The following SH3PXD2B variants were observed in gnomAD, a reference collection of about 807,000 sequenced individuals.
SH3PXD2B encodes the protein SH3 and PX domains 2B, also known as SH3 and PX domain-containing protein 2B.
A neutral mutation model predicts 73.1 loss-of-function variants in SH3PXD2B; 37 were observed. The ratio of observed to expected loss-of-function variants is 0.51; its 90% CI spans 0.39 to 0.67. SH3PXD2B has a LOEUF of 0.67. SH3PXD2B is among the 30% of genes least tolerant of loss of function. The pLI, the probability that SH3PXD2B is intolerant of heterozygous loss-of-function variation, is 0.00. For missense variants in SH3PXD2B, 1,053 were observed against 1,197.8 expected (o/e 0.88, Z 1.78); for synonymous variants, 457 against 480.5 (o/e 0.95, Z 0.64).
At chr5:172,376,156 T>C (rs1352031354) in intron 5 of SH3PXD2B, among the ~76,000 whole-genome samples, 2 of 151,568 alleles carry the variant, frequency 1.3e-5, no homozygotes, top group Non-Finnish European at 2.9e-5. Context: ...CAGCCTCCCA[T>C]GTAGCTGGGA....
intron 8 of SH3PXD2B, among the ~76,000 whole-genome samples, chr5:172,354,518 G>C (rs919062816): frequency 6.6e-6 from 1 of 152,186 alleles, no homozygotes; most frequent in Admixed American, 6.5e-5. Context: ...TAGCAAATCA[G>C]TCAATATGCA....
chr5:172,367,756 T>C (rs1261939082), intron 6 of SH3PXD2B, among the ~76,000 whole-genome samples: 1 of 152,126 alleles, frequency 6.6e-6, no homozygotes, highest in East Asian at 1.9e-4. Flanking sequence ...TAAGAGTCCT[T>C]ACAGGAGGTA....
chr5:172,416,540 C>T (rs1758823548), intron 2 of SH3PXD2B, among the ~76,000 whole-genome samples: 1 of 151,216 alleles, frequency 6.6e-6, no homozygotes, highest in African/African-American at 2.4e-5. Context: ...CTTGGCCAGG[C>T]TGGTATCGAA....
At chr5:172,450,665 G>A in intron 1 of SH3PXD2B, among the ~76,000 whole-genome samples, 1 of 152,078 alleles carries the variant, frequency 6.6e-6, no homozygotes, top group Non-Finnish European at 1.5e-5. Flanking sequence ...GGCTCCTGCT[G>A]CCGAGACACT....
At chr5:172,376,216 A>G (rs981392137) in intron 5 of SH3PXD2B, among the ~76,000 whole-genome samples, 9 of 151,946 alleles carry the variant, frequency 5.9e-5, no homozygotes, top group Admixed American at 2.0e-4. Flanking sequence ...TTTAGTAGAG[A>G]CGGGGTTTTG....
intron 11 of SH3PXD2B, among the ~76,000 whole-genome samples, chr5:172,346,983 C>T (rs1757011405): frequency 1.3e-5 from 2 of 152,192 alleles, no homozygotes; most frequent in African/African-American, 4.8e-5. Flanking sequence ...GCTTGGGCCT[C>T]AAGTCGCCTG....
chr5:172,348,655 CT>C lies in SH3PXD2B; in HGVS notation c.1013-1324del, dbSNP rs1354475427. 2.8e-4 allele frequency among the ~76,000 whole-genome samples: 9 copies of C among 32,020 alleles called. 1 individual carries two copies. The South Asian group carries it at 5.0e-3, about 18-fold the overall frequency. The allele number at this position is 32,020 out of a possible 152,430, so 21.0% of individuals were successfully genotyped here. A position where few individuals can be genotyped will look rare whatever the true frequency, so the allele number is the denominator to read the frequency against. Reference sequence around the variant, plus strand: ...CTATCTATGTATCTATCTATCTATCCTATCTATCTATCTATCTATCTATCTA... The same window carrying C: ...CTATCTATGTATCTATCTATCTATCCATCTATCTATCTATCTATCTATCTA... On this transcript the variant is annotated intron_variant, in intron 10 of 12. Transcript: ENST00000311601.
intron 6 of SH3PXD2B, among the ~76,000 whole-genome samples, chr5:172,372,945 A>G (rs1757738564): frequency 6.6e-6 from 1 of 152,148 alleles, no homozygotes. Flanking sequence ...GCAGGAAGAA[A>G]AAGTTGGGCC....
chr5:172,397,953 G>T (rs1249449244), intron 3 of SH3PXD2B, among the ~76,000 whole-genome samples: 2 of 152,274 alleles, frequency 1.3e-5, no homozygotes, highest in East Asian at 3.9e-4. Context: ...CCGCTGCCAC[G>T]CCTCCTGATC....
intron 1 of SH3PXD2B, among the ~76,000 whole-genome samples, chr5:172,437,492 C>T (rs1320925999): frequency 6.6e-6 from 1 of 152,118 alleles, no homozygotes; most frequent in Non-Finnish European, 1.5e-5. Flanking sequence ...AAGTGGGTGA[C>T]ATGAGATCCA....
At position 172,338,875 on chromosome 5, in the gene SH3PXD2B, G is replaced by C; in HGVS notation, c.2230C>G (p.Pro744Ala). 1 of 1,612,914 alleles carries C rather than the reference G, an allele frequency of 6.2e-7. No homozygotes were observed. Among genetic ancestry groups the C allele is most frequent in the Non-Finnish European group, 8.5e-7 (1 of 1,179,010 alleles). ...TGGGGAGCCTCTTGGAGAGGAACAG[G>C]CACGCTCTTAGACACAGGATCTGTG... The part of the protein sequence containing the change: ...KTTDPVSKSV[P>A]VPLQEAPQQR... The change falls in exon 13 of 13, where the codon CCT becomes GCT. Residue 744 changes from proline (P) to alanine (A), a missense_variant. By Grantham distance (27) the Pro-to-Ala change is conservative. Coordinates refer to ENST00000311601, the MANE Select transcript of SH3PXD2B (RefSeq NM_001017995.3). The surrounding 1 kb of genome is among the most constrained non-coding windows in gnomAD (Gnocchi z 5.1).
chr5:172,344,247 A>G lies in SH3PXD2B; in HGVS notation c.1188+1889T>C, dbSNP rs1581262401. On this transcript the variant is annotated intron_variant, in intron 12 of 12. Transcript: ENST00000311601. ...AAGATAATGTTGCAATGAGCCAGGA[A>G]GCAAAACTGGAGAAGAGAAAAACAG... 2.0e-5 allele frequency among the ~76,000 whole-genome samples: 3 copies of G among 152,290 alleles called. No homozygotes were observed. The South Asian group carries it at 6.2e-4, about 32-fold the overall frequency.
intron 2 of SH3PXD2B, among the ~76,000 whole-genome samples, chr5:172,416,696 C>T (rs940047341): frequency 2.4e-4 from 15 of 62,250 alleles, no homozygotes; most frequent in African/African-American, 3.0e-4. Flanking sequence ...CTCTCTCTCT[C>T]TTTTTTTTTT....
At chr5:172,416,331 C>T (rs1003633410) in intron 2 of SH3PXD2B, among the ~76,000 whole-genome samples, 18 of 143,328 alleles carry the variant, frequency 1.3e-4, no homozygotes, top group Non-Finnish European at 2.3e-4. Context: ...CCTGTCTCTA[C>T]TTTTTTTTTT....
intron 3 of SH3PXD2B, 102 bp from the exon 4 acceptor site, chr5:172,394,741 T>TCA: frequency 8.0e-7 from 1 of 1,252,048 alleles, no homozygotes; most frequent in South Asian, 1.3e-5. Flanking sequence ...TAGGTCTGAG[T>TCA]GGTGCCAAAA....
At chr5:172,330,750 A>C (rs1756537877), downstream of SH3PXD2B, among the ~76,000 whole-genome samples, 1 of 152,236 alleles carries the variant, frequency 6.6e-6, no homozygotes, top group Non-Finnish European at 1.5e-5. Flanking sequence ...TCATCCTCTT[A>C]CTAGCTGTGG....
chr5:172,387,121 G>T (rs1179612654), intron 4 of SH3PXD2B, among the ~76,000 whole-genome samples: 3 of 152,184 alleles, frequency 2.0e-5, no homozygotes, highest in African/African-American at 7.2e-5. Flanking sequence ...GAAGTCTCAA[G>T]TGACTGGAGC....
At chr5:172,403,429 T>G (rs1758479189) in intron 3 of SH3PXD2B, among the ~76,000 whole-genome samples, 1 of 152,104 alleles carries the variant, frequency 6.6e-6, no homozygotes, top group Admixed American at 6.5e-5. Context: ...CCCTCGGCCT[T>G]GAGGAAAAGC....
chr5:172,395,047 T>C (rs1758264837), intron 3 of SH3PXD2B, among the ~76,000 whole-genome samples: 2 of 151,974 alleles, frequency 1.3e-5, no homozygotes, highest in South Asian at 4.1e-4. Flanking sequence ...TAGTTCAGTC[T>C]CCTCCCTTCT....
Sources: allele counts gnomAD v4.1 joint callset (sites outside exome capture counted in the v4.1 genomes callset), GRCh38; gene constraint gnomAD v4.1.1; non-coding constraint Gnocchi (gnomAD v3.1); transcripts MANE v1.5; gene names NCBI Gene and HGNC (gene_info 2026-07-23, HGNC 2026-07-21).